COL4A4: variants seen among roughly 807,000 people sequenced by gnomAD.
COL4A4 encodes the protein collagen alpha-4(IV) chain.
Under a neutral mutation model 192.9 loss-of-function variants are expected in COL4A4, and 105 were observed. The observed-to-expected ratio is 0.54, with a 90% CI of 0.46 to 0.64. The LOEUF is 0.64. COL4A4 is among the 30% of genes least tolerant of loss of function. COL4A4 has a pLI of 0.00. For synonymous variants in COL4A4, 762 were observed against 769.9 expected, an observed-to-expected ratio of 0.99 and a Z score of 0.17; for missense variants, 1,967 against 2,169.3, an observed-to-expected ratio of 0.91 and a Z score of 1.85.
At chr2:227,032,897 C>T (rs559046749) in intron 38 of COL4A4, among the ~76,000 whole-genome samples, 2 of 152,266 alleles carry the variant, frequency 1.3e-5, no homozygotes, top group South Asian at 4.1e-4. Flanking sequence ...AGTAACGCAA[C>T]AAATGTGCAT....
chr2:227,008,144 G>A lies in COL4A4; in HGVS notation c.4683C>T (p.Pro1561=). Residue 1561 remains proline, a synonymous_variant, in exon 47 of 48, where the codon CCC becomes CCT. Transcript: ENST00000396625. The part of the protein sequence containing the change: ...MMPLSEEAIR[P]YVSRCAVCEA... ...CGCATACCGCACAGCGGCTGACATA[G>A]GGGCGGATCGCCTCTTCAGAGAGTG... 1 of 1,614,026 alleles carries A rather than the reference G, an allele frequency of 6.2e-7. No homozygotes were observed.
intron 9 of COL4A4, among the ~76,000 whole-genome samples, chr2:227,110,527 C>T (rs1222030251): frequency 6.6e-6 from 1 of 151,758 alleles, no homozygotes; most frequent in African/African-American, 2.4e-5. Context: ...GGATTACAGC[C>T]ACGCACCACC....
At position 227,111,718 on chromosome 2, in the gene COL4A4, A is replaced by G; in HGVS notation, c.559-5T>C. On this transcript the variant is annotated splice_region_variant and splice_polypyrimidine_tract_variant and intron_variant, in intron 8 of 47. Coordinates refer to ENST00000396625, the MANE Select transcript of COL4A4 (RefSeq NM_000092.5). Reference sequence around the variant, plus strand: ...TCCTGGGTCCCCTCTGTCTCCCTGCAAAAATAAGAATGCATTGCTTTAAGT... The same window carrying G: ...TCCTGGGTCCCCTCTGTCTCCCTGCGAAAATAAGAATGCATTGCTTTAAGT... The G allele has an allele frequency of 1.2e-6, 2 of 1,613,872 alleles. No homozygotes were observed. The highest frequency in any genetic ancestry group is 1.7e-6 in the Non-Finnish European group (2 of 1,179,748).
intron 25 of COL4A4, among the ~76,000 whole-genome samples, chr2:227,064,202 G>A (rs1338470847): frequency 1.3e-5 from 2 of 151,994 alleles, no homozygotes; most frequent in African/African-American, 4.8e-5. Context: ...AAATTCTCTA[G>A]ACAGATATCA....
At chr2:227,033,253 C>G (rs1029306677) in intron 38 of COL4A4, among the ~76,000 whole-genome samples, 157 bp downstream of exon 38, 6 of 152,140 alleles carry the variant, frequency 3.9e-5, no homozygotes, top group Non-Finnish European at 8.8e-5. Flanking sequence ...ATTTTCAGCA[C>G]TAAAAATAGC....
chr2:227,020,452 C>G (rs1214388332), intron 44 of COL4A4, among the ~76,000 whole-genome samples: 1 of 152,188 alleles, frequency 6.6e-6, no homozygotes, highest in Non-Finnish European at 1.5e-5. Context: ...ATGCAATAAA[C>G]ACACACAACG....
intron 40 of COL4A4, among the ~76,000 whole-genome samples, chr2:227,030,919 T>TGGAG (rs1968154427): frequency 8.2e-6 from 1 of 122,120 alleles, no homozygotes; most frequent in Admixed American, 8.0e-5. Flanking sequence ...TTTAATAAGA[T>TGGAG]GGATGGATGG....
intron 33 of COL4A4, 69 bp downstream of exon 33, chr2:227,050,908 C>G: frequency 6.3e-7 from 1 of 1,584,776 alleles, no homozygotes; most frequent in Non-Finnish European, 8.7e-7. Context: ...CAAATTATAG[C>G]TCCTTACGGA....
chr2:227,116,238 T>C (rs973452333), intron 7 of COL4A4, among the ~76,000 whole-genome samples: 2 of 152,228 alleles, frequency 1.3e-5, no homozygotes, highest in Non-Finnish European at 2.9e-5. Flanking sequence ...CATGATCTGG[T>C]GTGTTTCAGT....
intron 24 of COL4A4, among the ~76,000 whole-genome samples, chr2:227,079,518 C>T (rs1312572277): frequency 6.6e-6 from 1 of 152,178 alleles, no homozygotes; most frequent in Non-Finnish European, 1.5e-5. Flanking sequence ...AGGCTTCTCT[C>T]TCTTGTTCAC....
intron 24 of COL4A4, 110 bp downstream of exon 24, chr2:227,080,333 T>A: frequency 1.0e-6 from 1 of 986,504 alleles, no homozygotes; most frequent in Non-Finnish European, 1.6e-6. Flanking sequence ...ATTTATAGTA[T>A]GTTGATATTT....
chr2:227,047,234 C>T (rs1973081470), intron 35 of COL4A4, among the ~76,000 whole-genome samples: 2 of 151,978 alleles, frequency 1.3e-5, no homozygotes, highest in Non-Finnish European at 2.9e-5. Flanking sequence ...GTGTCAACAT[C>T]ATCGGTCACA....
chr2:227,035,117 G>A (rs529743682), intron 37 of COL4A4, among the ~76,000 whole-genome samples: 1 of 152,044 alleles, frequency 6.6e-6, no homozygotes, highest in Non-Finnish European at 1.5e-5. Context: ...CATGTCTTTG[G>A]GTGACTGTCT....
chr2:226,996,033 C>T, the COL4A4 span: 1 of 157,470 alleles, frequency 6.4e-6, no homozygotes, highest in Non-Finnish European at 1.4e-5. Context: ...AACCCCGGCG[C>T]CTCAGCTCCT....
At chr2:227,141,871 A>G (rs748752584) in intron 3 of COL4A4, among the ~76,000 whole-genome samples, 37 of 152,292 alleles carry the variant, frequency 2.4e-4, no homozygotes, top group Non-Finnish European at 4.6e-4. Flanking sequence ...TAAAGTAACT[A>G]GATTGAATAC....
rs77545532 is a variant in COL4A4, at chr2:227,118,346, A to C, written c.489+299T>G. Among the ~76,000 whole-genome samples the C allele has an allele frequency of 2.4e-3, 372 of 152,098 alleles. 1 individual carries two copies. The highest frequency in any genetic ancestry group is 8.6e-3 in the African/African-American group (355 of 41,480). ...TTTTTCCCTACTATCTATTCTCTTC[A>C]CAGCAGCCAGAGACATCTTAATGAA... On this transcript the variant is annotated intron_variant, in intron 7 of 47. Transcript: ENST00000396625.
intron 20 of COL4A4, among the ~76,000 whole-genome samples, chr2:227,092,016 T>C (rs1444949472): frequency 6.6e-6 from 1 of 151,868 alleles, no homozygotes; most frequent in African/African-American, 2.4e-5. Flanking sequence ...CCAGTACAAA[T>C]GTACCCACAC....
the COL4A4 span, among the ~76,000 whole-genome samples, chr2:226,985,409 G>A: frequency 4.6e-5 from 7 of 152,170 alleles, no homozygotes; most frequent in East Asian, 1.9e-4. Context: ...CCTCTGTAGC[G>A]CCCATCTGTT....
At chr2:227,154,295 A>G (rs1351289351) in intron 1 of COL4A4, among the ~76,000 whole-genome samples, 2 of 152,182 alleles carry the variant, frequency 1.3e-5, no homozygotes, top group Non-Finnish European at 2.9e-5. Flanking sequence ...TGGGAACAAG[A>G]TCTGAGATCT....
Sources: gnomAD v4.1 joint callset for allele counts (sites outside exome capture counted in the v4.1 genomes callset) on GRCh38, gnomAD v4.1.1 for gene constraint, MANE v1.5 for transcripts, NCBI Gene and HGNC (gene_info 2026-07-23, HGNC 2026-07-21) for gene names.